The following MKLN1 variants were observed in gnomAD, a reference collection of about 807,000 sequenced individuals.
The protein encoded by MKLN1 is muskelin 1, also known as muskelin.
Under a neutral mutation model 99.0 loss-of-function variants are expected in MKLN1, and 18 were observed. That is an observed-to-expected ratio of 0.18 (90% CI 0.13 to 0.27). The LOEUF is 0.27. Among genes scored for constraint, MKLN1 ranks in the 10% least tolerant of loss-of-function variants. The probability of loss-of-function intolerance (pLI) is 1.00; values close to 1 mark genes in which losing one functional copy is unlikely to be tolerated. For synonymous variants in MKLN1, 288 were observed against 293.2 expected (o/e 0.98, Z 0.18); for missense variants, 621 against 875.9 (o/e 0.71, Z 3.67).
chr7:131,478,595 CTT>C (rs3080645), intron 16 of MKLN1, 26 bp from the exon 17 acceptor site: 9,539 of 1,223,516 alleles, frequency 7.8e-3, no homozygotes, highest in South Asian at 0.019. Context: ...TTTGCTGCTT[CTT>C]TTTTTTTTTT....
At chr7:131,346,630 G>A (rs1022166259) in intron 1 of MKLN1, among the ~76,000 whole-genome samples, 3 of 152,170 alleles carry the variant, frequency 2.0e-5, no homozygotes, top group Admixed American at 6.5e-5. Context: ...TTGAGGATGT[G>A]CATAGATTTT....
intron 3 of MKLN1, among the ~76,000 whole-genome samples, chr7:131,257,160 C>T (rs1797668988): frequency 6.6e-6 from 1 of 152,098 alleles, no homozygotes; most frequent in Non-Finnish European, 1.5e-5. Flanking sequence ...CCAACAACAG[C>T]ACAATCGATA....
At chr7:131,325,184 A>G (rs968576067), upstream of MKLN1, among the ~76,000 whole-genome samples, 15 of 152,176 alleles carry the variant, frequency 9.9e-5, no homozygotes, top group Non-Finnish European at 2.1e-4. Context: ...TGTGAACAAG[A>G]TATGTATGAC....
intron 2 of MKLN1, among the ~76,000 whole-genome samples, chr7:131,180,647 C>A (rs1412887258): frequency 1.4e-5 from 2 of 148,140 alleles, no homozygotes; most frequent in African/African-American, 2.5e-5. Context: ...TGCAGTGAGC[C>A]AAGATCCCAC....
chr7:131,411,063 T>C (rs1432652552), intron 6 of MKLN1, among the ~76,000 whole-genome samples: 1 of 152,180 alleles, frequency 6.6e-6, no homozygotes, highest in African/African-American at 2.4e-5. Flanking sequence ...ACATAGTACG[T>C]TTAATATGAG....
intron 12 of MKLN1, among the ~76,000 whole-genome samples, chr7:131,447,655 A>G (rs572053372): frequency 6.6e-6 from 1 of 152,366 alleles, no homozygotes; most frequent in African/African-American, 2.4e-5. Context: ...AAATTATGGC[A>G]TGCTGACTCA....
chr7:131,388,557 C>T (rs959143531), intron 3 of MKLN1, among the ~76,000 whole-genome samples: 1 of 152,174 alleles, frequency 6.6e-6, no homozygotes, highest in African/African-American at 2.4e-5. Context: ...TTCATTCTTA[C>T]CGTTGAAAAT....
intron 2 of MKLN1, among the ~76,000 whole-genome samples, chr7:131,379,696 C>T (rs926272731): frequency 2.6e-4 from 39 of 152,054 alleles, no homozygotes; most frequent in African/African-American, 8.5e-4. Flanking sequence ...TTTTAAGTAA[C>T]GTAAGGAATG....
chr7:131,156,189 T>C (rs1028020009), intron 2 of MKLN1, among the ~76,000 whole-genome samples: 1 of 152,080 alleles, frequency 6.6e-6, no homozygotes, highest in Non-Finnish European at 1.5e-5. Flanking sequence ...ATCAACCTAA[T>C]ACAATAGTTT....
intron 2 of MKLN1, among the ~76,000 whole-genome samples, chr7:131,154,247 A>G (rs1291585162): frequency 1.3e-5 from 2 of 152,118 alleles, no homozygotes; most frequent in Non-Finnish European, 2.9e-5. Context: ...GATAGAAACT[A>G]GACTTCTTAG....
chr7:131,365,703 CTT>C (rs996653455), intron 1 of MKLN1, among the ~76,000 whole-genome samples: 1 of 152,122 alleles, frequency 6.6e-6, no homozygotes, highest in Non-Finnish European at 1.5e-5. Flanking sequence ...GAAGGGGAGT[CTT>C]TTCCCCATTG....
At chr7:131,111,409 G>A (rs1221675766) in intron 1 of MKLN1, among the ~76,000 whole-genome samples, 5 of 152,090 alleles carry the variant, frequency 3.3e-5, no homozygotes, top group South Asian at 2.1e-4. Context: ...CTGTATTTGC[G>A]TCACTGCCAG....
chr7:131,374,801 T>G (rs1184675452), intron 1 of MKLN1, among the ~76,000 whole-genome samples: 2 of 152,152 alleles, frequency 1.3e-5, no homozygotes, highest in Non-Finnish European at 2.9e-5. Flanking sequence ...ATATATATAT[T>G]CTATACGATG....
At chr7:131,273,329 G>C (rs2116562000) in intron 3 of MKLN1, among the ~76,000 whole-genome samples, 1 of 113,446 alleles carries the variant, frequency 8.8e-6, no homozygotes, top group South Asian at 3.4e-4. Context: ...CATCTGGCTT[G>C]AGCCTATTTT....
At position 131,239,815 on chromosome 7, in the gene MKLN1, C is replaced by T. The variant is rs558151485; in HGVS notation, c.-179+36841C>T. Among the ~76,000 whole-genome samples the T allele has an allele frequency of 3.3e-5, 5 of 152,130 alleles. No individual in the cohort carries two copies. In the East Asian group the frequency reaches 7.7e-4, roughly 24 times the overall value. On this transcript the variant is annotated intron_variant, in intron 3 of 7. Coordinates refer to the MKLN1 transcript ENST00000416992. ...GACCAGCCTGGTCAACCTAGTGAGA[C>T]CCTATCTCTTAAAAGAAAAAGAAAA...
intron 2 of MKLN1, among the ~76,000 whole-genome samples, chr7:131,196,080 T>C (rs1796640223): frequency 6.6e-6 from 1 of 152,182 alleles, no homozygotes; most frequent in Non-Finnish European, 1.5e-5. Context: ...TTAAATGTAA[T>C]TTTTTTATTA....
At chr7:131,426,312 A>G (rs1350016653) in intron 8 of MKLN1, among the ~76,000 whole-genome samples, 2 of 152,238 alleles carry the variant, frequency 1.3e-5, no homozygotes, top group Admixed American at 1.3e-4. Context: ...CAGAAACACT[A>G]TAAAACAAAA....
intron 3 of MKLN1, among the ~76,000 whole-genome samples, chr7:131,275,549 ATATATATATATATATATAT>A (rs1417129930): frequency 3.8e-3 from 47 of 12,520 alleles, no homozygotes; most frequent in African/African-American, 0.014. Flanking sequence ...ATATATATAT[ATATATATATATATATATAT>A]TTTTTTTTTT....
At chr7:131,252,759 C>T (rs1205910248) in intron 3 of MKLN1, among the ~76,000 whole-genome samples, 1 of 152,084 alleles carries the variant, frequency 6.6e-6, no homozygotes, top group Non-Finnish European at 1.5e-5. Flanking sequence ...GATTCCTGGT[C>T]AAGTGGTTTA....
Sources: gnomAD v4.1 joint callset for allele counts (sites outside exome capture counted in the v4.1 genomes callset) on GRCh38, gnomAD v4.1.1 for gene constraint, MANE v1.5 for transcripts, NCBI Gene and HGNC (gene_info 2026-07-23, HGNC 2026-07-21) for gene names.